The following MEF2C variants were observed in gnomAD, a reference collection of about 807,000 sequenced individuals.
MEF2C encodes myocyte-specific enhancer factor 2C.
In MEF2C, 6 loss-of-function variants were observed where a neutral mutation model predicts 50.5. That is an observed-to-expected ratio of 0.12 (90% CI 0.07 to 0.23). The LOEUF is 0.23. Among genes scored for constraint, MEF2C ranks in the 10% least tolerant of loss-of-function variants. The probability of loss-of-function intolerance (pLI) is 1.00; values close to 1 mark genes in which losing one functional copy is unlikely to be tolerated. For synonymous variants in MEF2C, 183 were observed against 228.0 expected (o/e 0.80, Z 1.78); for missense variants, 276 against 605.0 (o/e 0.46, Z 5.70).
intron 1 of MEF2C, among the ~76,000 whole-genome samples, chr5:88,892,520 C>A (rs369635768): frequency 2.6e-5 from 4 of 152,202 alleles, no homozygotes; most frequent in Admixed American, 6.5e-5. Context: ...GGGGTTATCA[C>A]AGCAGAAAGA....
rs1267402288 is a variant in MEF2C, at chr5:88,733,691, C to CA, written c.638-1791dup. 3.0e-6 allele frequency: 3 copies of CA among 985,092 alleles called. No homozygotes were observed. In the African/African-American group the frequency reaches 5.2e-5, roughly 17 times the overall value. 61.0% of individuals were successfully genotyped at this position (985,092 alleles called of 1,614,324 possible). ...ATTCATTTACCTGTCTCATTTTATGCATGAATAAACAGGCTGAATATATAA... is the reference window on the plus strand; with the variant it reads ...ATTCATTTACCTGTCTCATTTTATGCAATGAATAAACAGGCTGAATATATAA... On this transcript the variant is annotated intron_variant, in intron 6 of 10. Coordinates refer to ENST00000504921, the MANE Select transcript of MEF2C (RefSeq NM_002397.5).
intron 3 of MEF2C, among the ~76,000 whole-genome samples, chr5:88,798,600 G>A (rs547595950): frequency 1.4e-4 from 22 of 151,962 alleles, no homozygotes; most frequent in Non-Finnish European, 2.9e-4. Flanking sequence ...CCTTTAGCTC[G>A]GAGGAGTTTG....
Position 88,763,939 on chromosome 5 carries a change from A to G in MEF2C, c.259-2611T>C, listed in dbSNP as rs1045108382. 3.9e-5 allele frequency among the ~76,000 whole-genome samples: 6 copies of G among 152,354 alleles called. No homozygotes were observed. In the South Asian group the frequency reaches 1.0e-3, roughly 26 times the overall value. On this transcript the variant is annotated intron_variant, in intron 3 of 10. Transcript: ENST00000504921. ...AATGCTGGGATTACAGGCATGAGCC[A>G]TGGCACCCTGCCAATAATTTTCTTA...
intron 1 of MEF2C, among the ~76,000 whole-genome samples, chr5:88,854,235 G>A (rs1363648250): frequency 6.6e-6 from 1 of 152,092 alleles, no homozygotes; most frequent in Non-Finnish European, 1.5e-5. Context: ...ATTGCCATGG[G>A]TTTATAGAGT....
At chr5:88,859,026 A>G (rs945758563) in intron 1 of MEF2C, among the ~76,000 whole-genome samples, 7 of 152,204 alleles carry the variant, frequency 4.6e-5, no homozygotes, top group Non-Finnish European at 1.0e-4. Context: ...CTGTCTCGTC[A>G]GAGTGCTTTG....
chr5:88,732,793 C>T (rs539275321), intron 6 of MEF2C, among the ~76,000 whole-genome samples: 1 of 152,324 alleles, frequency 6.6e-6, no homozygotes, highest in East Asian at 1.9e-4. Flanking sequence ...CTGCTGATTT[C>T]CTCCACTGCC....
intron 5 of MEF2C, chr5:88,749,478 ATGTTTAGTTCT>A (rs1771575374): frequency 1.0e-6 from 1 of 984,852 alleles, no homozygotes; most frequent in South Asian, 4.7e-5. Flanking sequence ...CTCACATTTG[ATGTTTAGTTCT>A]TTGTAAATAT....
intron 3 of MEF2C, among the ~76,000 whole-genome samples, chr5:88,764,121 G>A (rs1195175884): frequency 6.6e-6 from 1 of 152,166 alleles, no homozygotes; most frequent in Non-Finnish European, 1.5e-5. Flanking sequence ...GAATGCAAGG[G>A]TGAGGAGAGG....
chr5:88,792,105 A>G (rs1406526721), intron 3 of MEF2C, among the ~76,000 whole-genome samples: 1 of 152,126 alleles, frequency 6.6e-6, no homozygotes, highest in Non-Finnish European at 1.5e-5. Flanking sequence ...AAATTTTTTT[A>G]TAATGAAAAA....
chr5:88,835,450 AT>A (rs1237983584), intron 1 of MEF2C, among the ~76,000 whole-genome samples: 1 of 152,172 alleles, frequency 6.6e-6, no homozygotes, highest in Non-Finnish European at 1.5e-5. Context: ...AGCCCAACAG[AT>A]TAATTTCCAA....
chr5:88,847,807 C>T (rs1324637616), intron 1 of MEF2C, among the ~76,000 whole-genome samples: 1 of 152,022 alleles, frequency 6.6e-6, no homozygotes, highest in Non-Finnish European at 1.5e-5. Flanking sequence ...CATCAGACAC[C>T]AATCTATACC....
intron 2 of MEF2C, among the ~76,000 whole-genome samples, chr5:88,806,577 T>C (rs2153086232): frequency 6.6e-6 from 1 of 152,222 alleles, no homozygotes; most frequent in East Asian, 1.9e-4. Context: ...TGACAAGGAC[T>C]GTGGACTAGC....
In MEF2C at chr5:88,774,981, G is replaced by A. The variant is rs572625255; in HGVS notation, c.259-13653C>T. On this transcript the variant is annotated intron_variant, in intron 3 of 10. Coordinates refer to ENST00000504921, the MANE Select transcript of MEF2C (RefSeq NM_002397.5). ...TTCCACACAAGGCTGCGCTCCTTGA[G>A]GGCAGGTCTGTGCCTTGTGTCGGGG... Among the ~76,000 whole-genome samples, 28 of 152,342 alleles carry A rather than the reference G, an allele frequency of 1.8e-4. 1 individual carries two copies. In the South Asian group the frequency reaches 3.1e-3, roughly 17 times the overall value.
chr5:88,727,092 T>C (rs1464958894), intron 10 of MEF2C, among the ~76,000 whole-genome samples: 1 of 152,156 alleles, frequency 6.6e-6, no homozygotes, highest in African/African-American at 2.4e-5. Flanking sequence ...TGTATACATG[T>C]ACATATTTTT....
intron 1 of MEF2C, among the ~76,000 whole-genome samples, chr5:88,900,112 C>G (rs1435587276): frequency 5.3e-5 from 8 of 152,008 alleles, no homozygotes. Flanking sequence ...TAGATTTCAA[C>G]TAAACAGTTT....
At chr5:88,833,764 A>T (rs1226220931) in intron 1 of MEF2C, among the ~76,000 whole-genome samples, 1 of 152,204 alleles carries the variant, frequency 6.6e-6, no homozygotes, top group Non-Finnish European at 1.5e-5. Context: ...GGTTAAACTG[A>T]TAATGGCTAC....
At chr5:88,839,325 C>CTA in intron 1 of MEF2C, 1 of 118,938 alleles carries the variant, frequency 8.4e-6, no homozygotes, top group African/African-American at 3.8e-5. Flanking sequence ...CACATTATCT[C>CTA]TCTCTCTCTC....
intron 1 of MEF2C, chr5:88,843,612 C>T (rs1444163751): frequency 7.3e-6 from 2 of 274,604 alleles, no homozygotes; most frequent in Non-Finnish European, 1.1e-5. Flanking sequence ...TATGTTTCTT[C>T]TATTTCTAAT....
intron 9 of MEF2C, among the ~76,000 whole-genome samples, 163 bp from the exon 10 acceptor site, chr5:88,728,791 T>A (rs1051708908): frequency 6.6e-6 from 1 of 152,214 alleles, no homozygotes; most frequent in African/African-American, 2.4e-5. Context: ...CAGCGATAAT[T>A]CTAATTTAAA....
Sources: allele counts gnomAD v4.1 joint callset (sites outside exome capture counted in the v4.1 genomes callset), GRCh38; gene constraint gnomAD v4.1.1; transcripts MANE v1.5; gene names NCBI Gene and HGNC (gene_info 2026-07-23, HGNC 2026-07-21).